The following SUSD6 variants were observed in gnomAD, a reference collection of about 807,000 sequenced individuals.
SUSD6 encodes sushi domain containing 6, also known as sushi domain-containing protein 6.
A neutral mutation model predicts 28.4 loss-of-function variants in SUSD6; 16 were observed. That is an observed-to-expected ratio of 0.56 (90% CI 0.38 to 0.86). SUSD6 has a LOEUF of 0.86. SUSD6 is among the 40% of genes least tolerant of loss of function. The probability of loss-of-function intolerance (pLI) is 0.00; values close to 1 mark genes in which losing one functional copy is unlikely to be tolerated. For missense variants in SUSD6, 341 were observed against 384.2 expected (o/e 0.89, Z 0.94); for synonymous variants, 147 against 159.6 (o/e 0.92, Z 0.59).
At chr14:69,689,163 C>A (rs1030447375) in intron 2 of SUSD6, among the ~76,000 whole-genome samples, 1 of 152,300 alleles carries the variant, frequency 6.6e-6, no homozygotes, top group African/African-American at 2.4e-5. Flanking sequence ...ACCATTTCTA[C>A]AATCTTCTTT....
chr14:69,680,970 G>A (rs953583001), intron 2 of SUSD6, among the ~76,000 whole-genome samples: 6 of 152,162 alleles, frequency 3.9e-5, no homozygotes, highest in Non-Finnish European at 8.8e-5. Flanking sequence ...TTCCCCAAAA[G>A]TTTCCTACCC....
At chr14:69,635,590 G>A (rs1401350917) in intron 1 of SUSD6, among the ~76,000 whole-genome samples, 1 of 120,540 alleles carries the variant, frequency 8.3e-6, no homozygotes, top group East Asian at 2.6e-4. Context: ...TCCACCCAAG[G>A]CACACCACAC....
At position 69,612,360 on chromosome 14, in the gene SUSD6, G is replaced by C. The variant is rs377047631; in HGVS notation, c.-81+532G>C. 2.3e-4 allele frequency among the ~76,000 whole-genome samples: 35 copies of C among 152,322 alleles called. No individual in the cohort carries two copies. The South Asian group carries it at 6.8e-3, about 30-fold the overall frequency. Reference sequence around the variant, plus strand: ...CGGCATTCGGGAGCCCCCGCGCCTCGGCTGCTCTTTAATCTCAAAAACTTC... The same window carrying C: ...CGGCATTCGGGAGCCCCCGCGCCTCCGCTGCTCTTTAATCTCAAAAACTTC... On this transcript the variant is annotated intron_variant, in intron 1 of 5. Transcript: ENST00000342745.
At chr14:69,693,468 G>T (rs1045183492) in intron 2 of SUSD6, among the ~76,000 whole-genome samples, 3 of 152,204 alleles carry the variant, frequency 2.0e-5, no homozygotes, top group East Asian at 3.9e-4. Context: ...CTGGAACAAG[G>T]AGAGAGCAAA....
At chr14:69,654,600 A>G (rs148837153) in intron 1 of SUSD6, among the ~76,000 whole-genome samples, 11 of 152,268 alleles carry the variant, frequency 7.2e-5, no homozygotes, top group African/African-American at 2.6e-4. Flanking sequence ...CAAGTGGTCT[A>G]TAGGAAGGCC....
chr14:69,661,943 G>A (rs953970344), intron 2 of SUSD6, among the ~76,000 whole-genome samples: 43 of 151,998 alleles, frequency 2.8e-4, no homozygotes, highest in African/African-American at 1.0e-3. Context: ...GGGACCATAG[G>A]CATGCACCAC....
intron 2 of SUSD6, among the ~76,000 whole-genome samples, chr14:69,686,755 A>T (rs773341872): frequency 6.6e-6 from 1 of 152,154 alleles, no homozygotes; most frequent in Non-Finnish European, 1.5e-5. Context: ...CATGGGAAAG[A>T]CCTGCGCCCA....
chr14:69,708,758 T>A lies in SUSD6; in HGVS notation c.540T>A (p.Ala180=), dbSNP rs763439003. 108 of 1,613,678 alleles carry A rather than the reference T, an allele frequency of 6.7e-5. No homozygotes were observed. Among genetic ancestry groups the A allele is most frequent in the Non-Finnish European group, 8.5e-5 (100 of 1,179,860 alleles). The part of the protein sequence containing the change: ...VQVALPSYEE[A]VYGSSGHCVP... ...TTGCACTACCATCATACGAGGAGGCTGTATATGGCAGTTCTGGTCACTGTG... is the reference window on the plus strand; with the variant it reads ...TTGCACTACCATCATACGAGGAGGCAGTATATGGCAGTTCTGGTCACTGTG... The change falls in exon 5 of 6, where the codon GCT becomes GCA. Residue 180 remains alanine (A), a synonymous_variant. Transcript: ENST00000342745.
intron 1 of SUSD6, among the ~76,000 whole-genome samples, chr14:69,638,782 G>C (rs1397742972): frequency 6.6e-6 from 1 of 152,148 alleles, no homozygotes; most frequent in Non-Finnish European, 1.5e-5. Flanking sequence ...TTAAAAGACT[G>C]ACCTAGGGAA....
At chr14:69,669,119 A>C (rs1454803928) in intron 2 of SUSD6, among the ~76,000 whole-genome samples, 10 of 130,380 alleles carry the variant, frequency 7.7e-5, no homozygotes, top group Non-Finnish European at 1.4e-4. Context: ...GCTGGAGTGC[A>C]GTGGCGCGAT....
intron 2 of SUSD6, among the ~76,000 whole-genome samples, chr14:69,694,398 A>G (rs1304176641): frequency 6.6e-6 from 1 of 152,226 alleles, no homozygotes; most frequent in East Asian, 1.9e-4. Flanking sequence ...TCTCCCCAGG[A>G]CTACCCAGTG....
chr14:69,684,373 G>C (rs1394530580), intron 2 of SUSD6, among the ~76,000 whole-genome samples: 1 of 152,194 alleles, frequency 6.6e-6, no homozygotes, highest in Non-Finnish European at 1.5e-5. Flanking sequence ...GTTCTTAGTA[G>C]AATATGTATC....
At chr14:69,676,804 T>C (rs1295357763) in intron 2 of SUSD6, among the ~76,000 whole-genome samples, 2 of 152,208 alleles carry the variant, frequency 1.3e-5, no homozygotes, top group African/African-American at 4.8e-5. Flanking sequence ...TTGCTAATAA[T>C]GTAGAACAGT....
chr14:69,711,009 G>T lies in SUSD6; in HGVS notation c.*30G>T. On this transcript the variant is annotated 3_prime_UTR_variant, in exon 6 of 6. Transcript: ENST00000342745. ...AGCGGCCAGCCTTTCCTCTCTGCGA[G>T]GTTCTCTCAGCCCTTCCTCCCTCTC... is the stretch of plus-strand genomic sequence containing the variant. The T allele has an allele frequency of 6.2e-7, 1 of 1,612,038 alleles. No homozygotes were observed. The highest frequency in any genetic ancestry group is 8.5e-7 in the Non-Finnish European group (1 of 1,178,098).
intron 2 of SUSD6, among the ~76,000 whole-genome samples, chr14:69,670,122 A>G (rs1205258087): frequency 1.3e-5 from 2 of 152,174 alleles, no homozygotes; most frequent in African/African-American, 4.8e-5. Flanking sequence ...TTAAGCAAGT[A>G]TGTGTTGACA....
intron 2 of SUSD6, among the ~76,000 whole-genome samples, chr14:69,700,286 C>A (rs953333323): frequency 6.6e-6 from 1 of 152,182 alleles, no homozygotes; most frequent in Admixed American, 6.5e-5. Flanking sequence ...TAAATAATTT[C>A]TTTCTAGCTC....
chr14:69,676,620 C>T (rs527593821), intron 2 of SUSD6, among the ~76,000 whole-genome samples: 1 of 152,312 alleles, frequency 6.6e-6, no homozygotes, highest in Non-Finnish European at 1.5e-5. Context: ...GTCTTGAACT[C>T]TTAGGCTCAA....
At chr14:69,691,980 A>G (rs1886159585) in intron 2 of SUSD6, among the ~76,000 whole-genome samples, 1 of 150,488 alleles carries the variant, frequency 6.6e-6, no homozygotes, top group African/African-American at 2.5e-5. Context: ...CGGAGGTTGC[A>G]GTGAGCTGAG....
chr14:69,637,404 G>A (rs1566591903), intron 1 of SUSD6, among the ~76,000 whole-genome samples: 1 of 152,110 alleles, frequency 6.6e-6, no homozygotes. Flanking sequence ...CTGGTGCAGC[G>A]CCTGGGATGT....
Sources: gnomAD v4.1 joint callset for allele counts (sites outside exome capture counted in the v4.1 genomes callset) on GRCh38, gnomAD v4.1.1 for gene constraint, MANE v1.5 for transcripts, NCBI Gene and HGNC (gene_info 2026-07-23, HGNC 2026-07-21) for gene names.